The following KCNK5 variants were observed in gnomAD, a reference collection of about 807,000 sequenced individuals.
The protein encoded by KCNK5 is potassium channel subfamily K member 5.
KCNK5 carries 18 observed loss-of-function variants against 32.9 expected under a neutral mutation model. The ratio of observed to expected loss-of-function variants is 0.55; its 90% CI spans 0.38 to 0.81. The LOEUF (loss-of-function observed/expected upper bound fraction) is 0.81. Among genes scored for constraint, KCNK5 ranks in the 30% least tolerant of loss-of-function variants. The pLI is 0.00. For missense variants in KCNK5, 507 were observed against 651.0 expected (o/e 0.78, Z 2.41); for synonymous variants, 276 against 275.3 (o/e 1.00, Z -0.03).
chr6:39,228,054 G>T (rs2561404), intron 1 of KCNK5, among the ~76,000 whole-genome samples: 132,331 of 151,882 alleles, frequency 0.87, 57,829 homozygotes, highest in East Asian at 0.97. Flanking sequence ...GTCCCCAAAT[G>T]GGCCCCAAGG....
At chr6:39,213,851 C>G (rs1256302442) in intron 1 of KCNK5, among the ~76,000 whole-genome samples, 1 of 151,968 alleles carries the variant, frequency 6.6e-6, no homozygotes, top group Non-Finnish European at 1.5e-5. Flanking sequence ...ATAGTGAAAC[C>G]CCGTTTCTAC....
Position 39,196,856 on chromosome 6 carries a change from A to G in KCNK5, c.187-869T>C, listed in dbSNP as rs540575197. ...AGGTGAGAGGCCACCTGGGGATGGG[A>G]TGTCCCCCTGGAGAGTGCGAGGAGC... On this transcript the variant is annotated intron_variant, in intron 1 of 4. Coordinates refer to ENST00000359534, the MANE Select transcript of KCNK5 (RefSeq NM_003740.4). Among the ~76,000 whole-genome samples, 3 of 152,320 alleles carry G rather than the reference A, an allele frequency of 2.0e-5. No homozygotes were observed. The East Asian group carries it at 5.8e-4, about 29-fold the overall frequency.
Position 39,191,089 on chromosome 6 carries a change from G to A in KCNK5, c.1301C>T (p.Thr434Ile), listed in dbSNP as rs779334242. 2 of 1,614,104 alleles carry A rather than the reference G, an allele frequency of 1.2e-6. No homozygotes were observed. Among genetic ancestry groups the A allele is most frequent in the South Asian group, 1.1e-5 (1 of 91,086 alleles). ...NTEAGLSDEE[T>I]SKSSLEDNLA... ...GTTGTCCTCTAGCGAGGACTTGGAG[G>A]TCTCCTCGTCTGAGAGGCCAGCCTC... The change falls in exon 5 of 5, where the codon ACC (threonine) becomes ATC (isoleucine). Residue 434 changes from threonine to isoleucine, a missense_variant. Transcript: ENST00000359534. This position sits in a 1 kb window ranked among gnomAD's most constrained non-coding sequence, Gnocchi z 5.8.
At chr6:39,198,031 A>C (rs2113781808) in intron 1 of KCNK5, among the ~76,000 whole-genome samples, 1 of 152,386 alleles carries the variant, frequency 6.6e-6, no homozygotes, top group South Asian at 2.1e-4. Flanking sequence ...TGTTTGGAAC[A>C]TGCAGAAGAG....
intron 1 of KCNK5, among the ~76,000 whole-genome samples, chr6:39,198,713 CTG>C (rs1310589156): frequency 6.6e-6 from 1 of 152,202 alleles, no homozygotes; most frequent in Non-Finnish European, 1.5e-5. Context: ...AACAAGCCCA[CTG>C]TTGCTTGCAG....
chr6:39,207,971 T>G (rs1209690752), intron 1 of KCNK5, among the ~76,000 whole-genome samples: 1 of 152,036 alleles, frequency 6.6e-6, no homozygotes, highest in Non-Finnish European at 1.5e-5. Context: ...TTGAACACAG[T>G]TGGGGCTGAC....
chr6:39,217,118 C>CAAAGAAAAAAAA (rs1771451399), intron 1 of KCNK5, among the ~76,000 whole-genome samples: 1 of 74,444 alleles, frequency 1.3e-5, no homozygotes, highest in African/African-American at 4.6e-5. Context: ...AAAACTCCAT[C>CAAAGAAAAAAAA]AAAAAAAAAA....
At chr6:39,213,023 T>G (rs558082442) in intron 1 of KCNK5, among the ~76,000 whole-genome samples, 1 of 152,278 alleles carries the variant, frequency 6.6e-6, no homozygotes, top group South Asian at 2.1e-4. Flanking sequence ...GGGGGATTGG[T>G]TCCAAGACCC....
chr6:39,210,168 G>T (rs933842413), intron 1 of KCNK5, among the ~76,000 whole-genome samples: 1 of 152,188 alleles, frequency 6.6e-6, no homozygotes, highest in Non-Finnish European at 1.5e-5. Flanking sequence ...AGTGGTAACA[G>T]GGGCAGCCAC....
chr6:39,221,496 C>T (rs1771547776), intron 1 of KCNK5, among the ~76,000 whole-genome samples: 1 of 152,228 alleles, frequency 6.6e-6, no homozygotes, highest in African/African-American at 2.4e-5. Flanking sequence ...TTCAAGGAGA[C>T]ACAGGTAACA....
rs564418702 is a variant in KCNK5, at chr6:39,228,962, C to G, written c.150G>C (p.Pro50=). 1 of 1,614,198 alleles carries G rather than the reference C, an allele frequency of 6.2e-7. No individual in the cohort carries two copies. Among genetic ancestry groups the G allele is most frequent in the South Asian group, 1.1e-5 (1 of 91,084 alleles). Residue 50 remains proline, a synonymous_variant, in exon 1 of 5, where the codon CCG becomes CCC. Coordinates refer to ENST00000359534, the MANE Select transcript of KCNK5 (RefSeq NM_003740.4). ...TQKLHLLKEF[P]CLGQEGLDKI... ...TGTCCAGGCCCTCCTGACCCAGGCA[C>G]GGGAACTCCTTGAGCAGATGCAGCT...
chr6:39,208,667 CA>C (rs1173959642), intron 1 of KCNK5, among the ~76,000 whole-genome samples: 1 of 152,220 alleles, frequency 6.6e-6, no homozygotes, highest in Non-Finnish European at 1.5e-5. Context: ...GCATTCTGTG[CA>C]GGGGGGGAGG....
At chr6:39,203,396 G>A (rs1232822610) in intron 1 of KCNK5, among the ~76,000 whole-genome samples, 1 of 152,192 alleles carries the variant, frequency 6.6e-6, no homozygotes, top group Non-Finnish European at 1.5e-5. Context: ...CCATCCCTCA[G>A]AGGCCCCATC....
chr6:39,221,055 TAGAAG>T (rs143249157), intron 1 of KCNK5, among the ~76,000 whole-genome samples: 14,395 of 152,212 alleles, frequency 0.095, 828 homozygotes, highest in South Asian at 0.18. Context: ...TAGCCTCACA[TAGAAG>T]AGAATAGTTC....
At chr6:39,221,691 C>T (rs528086822) in intron 1 of KCNK5, among the ~76,000 whole-genome samples, 2 of 152,316 alleles carry the variant, frequency 1.3e-5, no homozygotes, top group South Asian at 2.1e-4. Context: ...CAGCTCCTTA[C>T]TATTCTTCCT....
intron 1 of KCNK5, among the ~76,000 whole-genome samples, chr6:39,214,126 A>T (rs550177395): frequency 6.6e-6 from 1 of 152,348 alleles, no homozygotes; most frequent in East Asian, 1.9e-4. Context: ...CATTCCAAAA[A>T]GAGAGGCTGT....
intron 1 of KCNK5, among the ~76,000 whole-genome samples, chr6:39,219,113 C>T (rs538698191): frequency 1.1e-4 from 17 of 152,306 alleles, no homozygotes; most frequent in African/African-American, 4.1e-4. Flanking sequence ...CAAGGGCAGA[C>T]CTGCTCAGTG....
At chr6:39,228,180 C>T (rs1023236679) in intron 1 of KCNK5, among the ~76,000 whole-genome samples, 4 of 152,144 alleles carry the variant, frequency 2.6e-5, no homozygotes, top group Admixed American at 6.5e-5. Flanking sequence ...CCCCCACCCA[C>T]CCCAATTCCG....
Position 39,215,854 on chromosome 6 carries a change from C to T in KCNK5, c.186+13072G>A, listed in dbSNP as rs181868259. Among the ~76,000 whole-genome samples, 248 of 152,284 alleles carry T rather than the reference C, an allele frequency of 1.6e-3. 1 individual carries two copies. The highest frequency in any genetic ancestry group is 5.5e-3 in the African/African-American group (228 of 41,562). On this transcript the variant is annotated intron_variant, in intron 1 of 4. Transcript: ENST00000359534. The stretch of plus-strand genomic sequence containing the variant: ...GACCACAAACCTGTCAAGCAGCAGG[C>T]GTTAGAAGCAGTAAACAAAAGTCAG...
Sources: gnomAD v4.1 joint callset for allele counts (sites outside exome capture counted in the v4.1 genomes callset) on GRCh38, gnomAD v4.1.1 for gene constraint, Gnocchi (gnomAD v3.1) non-coding constraint, MANE v1.5 for transcripts, NCBI Gene and HGNC (gene_info 2026-07-23, HGNC 2026-07-21) for gene names.